The following KALRN variants were observed in gnomAD, a reference collection of about 807,000 sequenced individuals.
The protein encoded by KALRN is kalirin.
Under a neutral mutation model 353.7 loss-of-function variants are expected in KALRN, and 70 were observed. The ratio of observed to expected loss-of-function variants is 0.20; its 90% CI spans 0.16 to 0.24. The LOEUF (loss-of-function observed/expected upper bound fraction) is 0.24. Among genes scored for constraint, KALRN ranks in the 10% least tolerant of loss-of-function variants. The pLI, the probability that KALRN is intolerant of heterozygous loss-of-function variation, is 1.00. For synonymous variants in KALRN, 1,391 were observed against 1,434.8 expected, an observed-to-expected ratio of 0.97 and a Z score of 0.69; for missense variants, 2,791 against 3,756.7, an observed-to-expected ratio of 0.74 and a Z score of 6.72.
intron 1 of KALRN, among the ~76,000 whole-genome samples, chr3:124,209,111 G>A (rs566572971): frequency 2.0e-4 from 31 of 152,048 alleles, no homozygotes; most frequent in Non-Finnish European, 3.1e-4. Context: ...TATGTACATT[G>A]TCTCTCTATG....
intron 39 of KALRN, 106 bp downstream of exon 39, chr3:124,655,773 C>A: frequency 1.3e-6 from 1 of 742,110 alleles, no homozygotes; most frequent in South Asian, 1.6e-5. Flanking sequence ...ACTTTACTGT[C>A]TGAGCACTTG....
chr3:124,400,993 T>G (rs1319662007), intron 13 of KALRN, among the ~76,000 whole-genome samples: 2 of 152,182 alleles, frequency 1.3e-5, no homozygotes, highest in East Asian at 3.9e-4. Flanking sequence ...AGCGCTGGAA[T>G]GGGTCAGTTA....
chr3:124,266,050 G>C (rs779058684), intron 4 of KALRN, among the ~76,000 whole-genome samples: 1 of 152,178 alleles, frequency 6.6e-6, no homozygotes, highest in Admixed American at 6.5e-5. Flanking sequence ...GGGAGGCGGA[G>C]GTTGCAGTGA....
At chr3:124,064,206 C>T (rs2042178942) in intron 1 of KALRN, among the ~76,000 whole-genome samples, 1 of 152,000 alleles carries the variant, frequency 6.6e-6, no homozygotes, top group African/African-American at 2.4e-5. Context: ...AGTGGGGTCA[C>T]CACTGGATGC....
At chr3:124,537,685 CTCTG>C (rs1013673168) in intron 33 of KALRN, among the ~76,000 whole-genome samples, 1 of 152,146 alleles carries the variant, frequency 6.6e-6, no homozygotes, top group African/African-American at 2.4e-5. Flanking sequence ...AAAATGTTGG[CTCTG>C]TCTGAGAATC....
At chr3:124,105,690 A>G (rs1421451862) in intron 1 of KALRN, among the ~76,000 whole-genome samples, 3 of 152,174 alleles carry the variant, frequency 2.0e-5, no homozygotes, top group Non-Finnish European at 4.4e-5. Context: ...CAGCACCTCA[A>G]TGAGAAGAAA....
At chr3:124,175,995 C>T (rs1307597245) in intron 1 of KALRN, among the ~76,000 whole-genome samples, 3 of 152,092 alleles carry the variant, frequency 2.0e-5, no homozygotes, top group Admixed American at 1.3e-4. Context: ...TCTTCTGGGG[C>T]TCTTTCATCT....
At chr3:124,314,241 A>G (rs1033743420) in intron 6 of KALRN, among the ~76,000 whole-genome samples, 4 of 151,670 alleles carry the variant, frequency 2.6e-5, no homozygotes, top group Non-Finnish European at 5.9e-5. Context: ...TGAGCAAACT[A>G]TCGCAAGGAC....
chr3:124,685,796 C>A (rs1220975553), intron 51 of KALRN, among the ~76,000 whole-genome samples: 1 of 152,174 alleles, frequency 6.6e-6, no homozygotes, highest in Non-Finnish European at 1.5e-5. Flanking sequence ...CCCTGTCATG[C>A]ATGTTCCATC....
rs1346612112 is a variant in KALRN at position 124,720,275 on chromosome 3, A to C, written c.*805A>C. On this transcript the variant is annotated 3_prime_UTR_variant, in exon 60 of 60. Transcript: ENST00000682506. ...CCCCGCAAATTCACTGGCAGCTCAG[A>C]ATTATTCTGGAAAGAAAGCCTGCCA... The C allele has an allele frequency of 1.3e-5, 2 of 152,666 alleles. No homozygotes were observed. The highest frequency in any genetic ancestry group is 2.9e-5 in the Non-Finnish European group (2 of 68,046). The allele number at this position is 152,666 out of a possible 1,614,324, so 9.5% of individuals were successfully genotyped here.
intron 51 of KALRN, among the ~76,000 whole-genome samples, chr3:124,692,250 A>G (rs1032808695): frequency 3.9e-5 from 6 of 152,240 alleles, no homozygotes; most frequent in African/African-American, 1.2e-4. Context: ...TGGTCTTTTG[A>G]GACTAGCAGA....
intron 1 of KALRN, among the ~76,000 whole-genome samples, chr3:124,173,212 T>C (rs956969983): frequency 6.6e-6 from 1 of 152,220 alleles, no homozygotes; most frequent in African/African-American, 2.4e-5. Context: ...ATTAGGTCAT[T>C]TTCTTTTCTA....
intron 51 of KALRN, among the ~76,000 whole-genome samples, chr3:124,683,047 T>C (rs1166171286): frequency 6.6e-6 from 1 of 151,924 alleles, no homozygotes; most frequent in Non-Finnish European, 1.5e-5. Context: ...TAGTTCAGCT[T>C]ACTTCTTTAC....
rs553543615 is a variant in KALRN at position 124,232,473 on chromosome 3, T to G, written c.149-2356T>G. On this transcript the variant is annotated intron_variant, in intron 2 of 59. Transcript: ENST00000682506. Reference sequence around the variant, plus strand: ...CGTATCTCCATTTCCTCCTCTCTCTTGGAGTTCAACAGCCTGCCTCAGAGA... The same window carrying G: ...CGTATCTCCATTTCCTCCTCTCTCTGGGAGTTCAACAGCCTGCCTCAGAGA... Among the ~76,000 whole-genome samples the G allele has an allele frequency of 1.2e-4, 19 of 152,310 alleles. No homozygotes were observed. In the South Asian group the frequency reaches 3.3e-3, roughly 27 times the overall value.
chr3:124,477,819 A>G (rs1360895961), intron 27 of KALRN, among the ~76,000 whole-genome samples: 1 of 151,780 alleles, frequency 6.6e-6, no homozygotes, highest in Non-Finnish European at 1.5e-5. Flanking sequence ...CTCTAATGCA[A>G]TTGATTCAAC....
chr3:124,193,937 G>T (rs1223906754), intron 1 of KALRN, among the ~76,000 whole-genome samples: 1 of 152,098 alleles, frequency 6.6e-6, no homozygotes, highest in Non-Finnish European at 1.5e-5. Context: ...AACTAAAAAG[G>T]TAGAATTAGG....
chr3:124,388,277 G>A (rs747792302), intron 11 of KALRN, among the ~76,000 whole-genome samples: 103 of 152,146 alleles, frequency 6.8e-4, no homozygotes, highest in Non-Finnish European at 1.3e-3. Context: ...TTTAAAGTAG[G>A]AAGTTTCTTT....
intron 51 of KALRN, among the ~76,000 whole-genome samples, chr3:124,685,752 C>A (rs2061527658): frequency 6.6e-6 from 1 of 152,200 alleles, no homozygotes; most frequent in African/African-American, 2.4e-5. Context: ...AATGTCTGAA[C>A]TGGTTTCTCA....
chr3:124,668,963 T>A (rs768181633), intron 47 of KALRN, among the ~76,000 whole-genome samples: 5 of 152,172 alleles, frequency 3.3e-5, no homozygotes, highest in Non-Finnish European at 5.9e-5. Flanking sequence ...AAAAATAAGG[T>A]GCAACAGTAA....
Sources: gnomAD v4.1 joint callset for allele counts (sites outside exome capture counted in the v4.1 genomes callset) on GRCh38, gnomAD v4.1.1 for gene constraint, MANE v1.5 for transcripts, NCBI Gene and HGNC (gene_info 2026-07-23, HGNC 2026-07-21) for gene names.